The following DPPA4 variants were observed in gnomAD, a reference collection of about 807,000 sequenced individuals.
The protein encoded by DPPA4 is developmental pluripotency-associated protein 4.
A neutral mutation model predicts 33.7 loss-of-function variants in DPPA4; 22 were observed. The observed-to-expected ratio is 0.65, with a 90% confidence interval of 0.47 to 0.93. DPPA4 has a LOEUF of 0.93. DPPA4 is among the 40% of genes least tolerant of loss of function. The pLI, the probability that DPPA4 is intolerant of heterozygous loss-of-function variation, is 0.00. For synonymous variants in DPPA4, 156 were observed against 132.3 expected (o/e 1.18, Z -1.23); for missense variants, 340 against 358.6 (o/e 0.95, Z 0.42).
chr3:109,332,002 T>C lies in DPPA4; in HGVS notation c.208A>G (p.Thr70Ala), dbSNP rs370409448. 20 of 1,613,880 alleles carry C rather than the reference T, an allele frequency of 1.2e-5. No individual in the cohort carries two copies. The African/African-American group carries it at 1.6e-4, about 13-fold the overall frequency. ...TTCTTCTGAGGTCTGGGGTTGTCAGTGTGCTCTGCCTTTTTCTTAGGGCAG... is the reference window on the plus strand; with the variant it reads ...TTCTTCTGAGGTCTGGGGTTGTCAGCGTGCTCTGCCTTTTTCTTAGGGCAG... ...VLCPKKKAEHTDNPRPQKKIP... is the reference protein window; with the variant it reads ...VLCPKKKAEHADNPRPQKKIP... Residue 70 changes from threonine to alanine, a missense_variant, in exon 3 of 7, where the codon ACT becomes GCT. Thr to Ala is a moderately conservative substitution (Grantham distance 58). Around this residue, in one of 3 missense-constraint regions of DPPA4, gnomAD observed 96 missense variants for 91.8 expected, o/e 1.05. Transcript: ENST00000335658.
chr3:109,336,021 T>A (rs1186628172), intron 1 of DPPA4, among the ~76,000 whole-genome samples: 1 of 151,314 alleles, frequency 6.6e-6, no homozygotes, highest in Admixed American at 6.6e-5. Context: ...GGCGTGGTGG[T>A]GCGTGCCTGC....
chr3:109,328,988 C>T lies in DPPA4; in HGVS notation c.780G>A (p.Lys260=), dbSNP rs769202211. ...FHAGQAWVPE[K]QEGRVSALFL... ...AGAGTGCACTCACTCTCCCTTCTTG[C>T]TTTTCTGGAACCCAGGCTTGACCAG... The change falls in exon 6 of 7, where the codon AAG becomes AAA. Residue 260 remains lysine (K), a synonymous_variant. Coordinates refer to ENST00000335658, the MANE Select transcript of DPPA4 (RefSeq NM_018189.4). 1.2e-6 allele frequency: 2 copies of T among 1,613,994 alleles called. No homozygotes were observed. The highest frequency in any genetic ancestry group is 1.7e-6 in the Non-Finnish European group (2 of 1,179,980).
chr3:109,328,971 C>T lies in DPPA4; in HGVS notation c.797G>A (p.Ser266Asn). ...GGAGGCAGGAAGCAAGAAGAGTGCA[C>T]TCACTCTCCCTTCTTGCTTTTCTGG... Reference protein sequence around the residue: ...WVPEKQEGRVSALFLLPASNF... With the variant: ...WVPEKQEGRVNALFLLPASNF... The change falls in exon 6 of 7, where the codon AGT (serine) becomes AAT (asparagine). Residue 266 changes from serine to asparagine, a missense_variant. Around this residue, in one of 3 missense-constraint regions of DPPA4, gnomAD observed 212 missense variants for 206.5 expected, o/e 1.03. Transcript: ENST00000335658. 2 of 1,613,842 alleles carry T rather than the reference C, an allele frequency of 1.2e-6. No homozygotes were observed. Among genetic ancestry groups the T allele is most frequent in the Non-Finnish European group, 1.7e-6 (2 of 1,179,814 alleles).
intron 2 of DPPA4, 71 bp from the exon 3 acceptor site, chr3:109,332,102 C>A: frequency 7.2e-7 from 1 of 1,390,932 alleles, no homozygotes; most frequent in Non-Finnish European, 9.8e-7. Flanking sequence ...AAAGTAAAAT[C>A]ACTTTTTTTT....
chr3:109,330,284 AAGGGAGAAACTGTCT>A, intron 5 of DPPA4: 1 of 428,390 alleles, frequency 2.3e-6, no homozygotes, highest in African/African-American at 2.3e-5. Flanking sequence ...CCTGGGCAAC[AAGGGAGAAACTGTCT>A]CAAAAAAAAA....
chr3:109,327,933 A>C lies in DPPA4; in HGVS notation c.*55T>G. On this transcript the variant is annotated 3_prime_UTR_variant, in exon 7 of 7. Transcript: ENST00000335658. ...CCTGTCAGCAGCACCGCAGAATCCA[A>C]CTCTCCAGCTTTTCTGCCATTAATT... The C allele has an allele frequency of 7.7e-7, 1 of 1,299,364 alleles. No individual in the cohort carries two copies. Among genetic ancestry groups the C allele is most frequent in the Non-Finnish European group, 1.1e-6 (1 of 898,278 alleles). 80.5% of individuals were successfully genotyped at this position (1,299,364 alleles called of 1,614,324 possible).
chr3:109,331,628 A>C, intron 4 of DPPA4, 106 bp downstream of exon 4: 1 of 840,536 alleles, frequency 1.2e-6, no homozygotes, highest in Non-Finnish European at 1.9e-6. Flanking sequence ...TCTTAGAACT[A>C]GGGGTGGAGG....
At chr3:109,333,117 G>A (rs769888085) in intron 2 of DPPA4, among the ~76,000 whole-genome samples, 2 of 152,064 alleles carry the variant, frequency 1.3e-5, no homozygotes, top group South Asian at 2.1e-4. Flanking sequence ...CAAGGCAGAC[G>A]ATCACTTGAG....
At chr3:109,334,028 A>G (rs1442455771) in intron 1 of DPPA4, 35 bp from the exon 2 acceptor site, 14 of 1,612,026 alleles carry the variant, frequency 8.7e-6, no homozygotes, top group Non-Finnish European at 1.2e-5. Flanking sequence ...TCATTCCTCT[A>G]GTGTCCAAAC....
chr3:109,336,490 TCCTAGG>T, intron 1 of DPPA4: 1 of 152,318 alleles, frequency 6.6e-6, no homozygotes. Context: ...TTCTGATTAC[TCCTAGG>T]TCCTAAGGAC....
Position 109,329,057 on chromosome 3 carries a change from A to C in DPPA4, c.711T>G (p.Ser237Arg). Residue 237 changes from serine to arginine, a missense_variant, in exon 6 of 7, where the codon AGT becomes AGG. Ser to Arg is a moderately radical substitution (Grantham distance 110). Coordinates refer to ENST00000335658, the MANE Select transcript of DPPA4 (RefSeq NM_018189.4). ...CCCAACCATCTGTGTCTGCAGGGAG[A>C]CTTTTCCCATGGACCACACACCACC... is the stretch of plus-strand genomic sequence containing the variant. ...GVRWCVVHGK[S>R]LPADTDGWVH... The C allele has an allele frequency of 6.2e-7, 1 of 1,613,962 alleles. No individual in the cohort carries two copies. Among genetic ancestry groups the C allele is most frequent in the Non-Finnish European group, 8.5e-7 (1 of 1,180,020 alleles).
At chr3:109,337,045 T>G (rs1203575608) in intron 1 of DPPA4, among the ~76,000 whole-genome samples, 1 of 151,906 alleles carries the variant, frequency 6.6e-6, no homozygotes, top group Non-Finnish European at 1.5e-5. Flanking sequence ...GGATTACAGG[T>G]GTGCGCCACC....
chr3:109,327,131 G>C lies in DPPA4; in HGVS notation c.*857C>G, dbSNP rs774630681. ...GTTTTGATCCTGGAGTCAAACCATA[G>C]AAATCTCAGGTTATTAAGAGAACTT... On this transcript the variant is annotated 3_prime_UTR_variant, in exon 7 of 7. Coordinates refer to ENST00000335658, the MANE Select transcript of DPPA4 (RefSeq NM_018189.4). The C allele has an allele frequency of 1.3e-5, 2 of 150,300 alleles. No homozygotes were observed. Among genetic ancestry groups the C allele is most frequent in the Non-Finnish European group, 2.9e-5 (2 of 68,020 alleles). 9.3% of individuals were successfully genotyped at this position (150,300 alleles called of 1,614,324 possible).
At position 109,331,979 on chromosome 3, in the gene DPPA4, C is replaced by T. The variant is rs1409766135; in HGVS notation, c.231G>A (p.Lys77=). The change falls in exon 3 of 7, where the codon AAG becomes AAA. Residue 77 remains lysine, a synonymous_variant. Coordinates refer to ENST00000335658, the MANE Select transcript of DPPA4 (RefSeq NM_018189.4). ...AEHTDNPRPQ[K]KIPIPPLPSK... The stretch of plus-strand genomic sequence containing the variant: ...AAGGTAATGGAGGGATTGGTATCTT[C>T]TTCTGAGGTCTGGGGTTGTCAGTGT... 2 of 1,614,000 alleles carry T rather than the reference C, an allele frequency of 1.2e-6. No individual in the cohort carries two copies. The highest frequency in any genetic ancestry group is 2.7e-5 in the African/African-American group (2 of 74,930).
At position 109,327,895 on chromosome 3, in the gene DPPA4, G is replaced by C; in HGVS notation, c.*93C>G. 1.1e-6 allele frequency: 1 copy of C among 922,388 alleles called. No individual in the cohort carries two copies. The highest frequency in any genetic ancestry group is 1.4e-5 in the South Asian group (1 of 73,366). 57.1% of individuals were successfully genotyped at this position (922,388 alleles called of 1,614,324 possible). A position where few individuals can be genotyped will look rare whatever the true frequency, so the allele number is the denominator to read the frequency against. Reference sequence around the variant, plus strand: ...TGCATGGCCCATAAACAGGTGCAGAGGACCAGAGTTCACCTGTCAGCAGCA... The same window carrying C: ...TGCATGGCCCATAAACAGGTGCAGACGACCAGAGTTCACCTGTCAGCAGCA... On this transcript the variant is annotated 3_prime_UTR_variant, in exon 7 of 7. Coordinates refer to ENST00000335658, the MANE Select transcript of DPPA4 (RefSeq NM_018189.4).
intron 1 of DPPA4, 106 bp from the exon 2 acceptor site, chr3:109,334,099 C>T: frequency 8.2e-7 from 1 of 1,225,594 alleles, no homozygotes; most frequent in Non-Finnish European, 1.1e-6. Flanking sequence ...AGTTACTGGA[C>T]TCCACTGGCA....
At chr3:109,332,766 G>C (rs1319484444) in intron 2 of DPPA4, among the ~76,000 whole-genome samples, 1 of 152,102 alleles carries the variant, frequency 6.6e-6, no homozygotes, top group South Asian at 2.1e-4. Flanking sequence ...TGTTCATCCC[G>C]CTTCTGCACC....
intron 1 of DPPA4, among the ~76,000 whole-genome samples, chr3:109,335,558 G>T (rs1014939480): frequency 6.6e-6 from 1 of 152,028 alleles, no homozygotes. Context: ...CTCCCCACTA[G>T]CTGGAATTAC....
In DPPA4 at chr3:109,330,734, A is replaced by T; in HGVS notation, c.469T>A (p.Ser157Thr). 1 of 1,614,140 alleles carries T rather than the reference A, an allele frequency of 6.2e-7. No homozygotes were observed. Among genetic ancestry groups the T allele is most frequent in the Non-Finnish European group, 8.5e-7 (1 of 1,180,026 alleles). Residue 157 changes from serine (S) to threonine (T), a missense_variant, in exon 5 of 7, where the codon TCC (serine) becomes ACC (threonine). This residue lies in a region of DPPA4 where 212 missense variants were observed against 206.5 expected (regional missense o/e 1.03). Transcript: ENST00000335658. ...GGATGTGTCTCAGAACTTTGCAGGG[A>T]CGTTTCCCCCTTTTCCACCTTTAAT... ...KKLKVEKGET[S>T]LQSSETHPPE... is the part of the protein sequence containing the mutation.
Sources: allele counts gnomAD v4.1 joint callset (sites outside exome capture counted in the v4.1 genomes callset), GRCh38; gene constraint gnomAD v4.1.1; regional missense constraint gnomAD v4.1.1; transcripts MANE v1.5; gene names NCBI Gene and HGNC (gene_info 2026-07-23, HGNC 2026-07-21).